Variants in ESR1 observed in about 807,000 individuals in gnomAD.
ESR1 encodes the protein estrogen receptor.
ESR1 carries 12 observed loss-of-function variants against 52.7 expected under a neutral mutation model. The observed-to-expected ratio is 0.23, with a 90% CI of 0.15 to 0.37. The LOEUF (loss-of-function observed/expected upper bound fraction) is 0.37. ESR1 is among the 10% of genes least tolerant of loss of function. The pLI, the probability that ESR1 is intolerant of heterozygous loss-of-function variation, is 1.00. For missense variants in ESR1, 584 were observed against 779.7 expected (o/e 0.75, Z 2.99); for synonymous variants, 305 against 316.8 (o/e 0.96, Z 0.39).
At chr6:151,898,111 C>T (rs1223569372) in intron 3 of ESR1, among the ~76,000 whole-genome samples, 1 of 152,174 alleles carries the variant, frequency 6.6e-6, no homozygotes, top group Non-Finnish European at 1.5e-5. Context: ...GCTTTTGCCT[C>T]ACAGCTCTTA....
intron 4 of ESR1, among the ~76,000 whole-genome samples, chr6:152,007,742 T>C (rs1309931858): frequency 1.3e-5 from 2 of 152,122 alleles, no homozygotes; most frequent in African/African-American, 4.8e-5. Context: ...GTCATTGAGA[T>C]GGAGGTCCTC....
intron 1 of ESR1, among the ~76,000 whole-genome samples, chr6:151,664,308 T>C (rs1174007932): frequency 6.6e-6 from 1 of 152,236 alleles, no homozygotes; most frequent in East Asian, 1.9e-4. Context: ...AGGATACCAT[T>C]ACCAGAGTTT....
chr6:151,793,596 C>T (rs546544362), intron 2 of ESR1, among the ~76,000 whole-genome samples: 44 of 152,152 alleles, frequency 2.9e-4, no homozygotes, highest in South Asian at 6.2e-4. Context: ...TCACCACACA[C>T]GTGAGTAATG....
intron 1 of ESR1, among the ~76,000 whole-genome samples, chr6:151,824,942 A>C (rs1781237393): frequency 6.6e-6 from 1 of 152,040 alleles, no homozygotes; most frequent in Non-Finnish European, 1.5e-5. Context: ...GAAAAAAAAG[A>C]GTTCTTGCTT....
intron 1 of ESR1, among the ~76,000 whole-genome samples, chr6:151,675,806 C>CA (rs1562323181): frequency 1.3e-5 from 2 of 152,126 alleles, no homozygotes; most frequent in Non-Finnish European, 2.9e-5. Flanking sequence ...TATGGTGAAA[C>CA]AAAATTAGCA....
downstream of ESR1, among the ~76,000 whole-genome samples, chr6:152,106,625 C>T (rs1490805104): frequency 6.6e-6 from 1 of 152,024 alleles, no homozygotes; most frequent in South Asian, 2.1e-4. Context: ...GTGTTGCTCT[C>T]TCACCCAGGC....
At chr6:152,103,456 C>T (rs2051018061), downstream of ESR1, among the ~76,000 whole-genome samples, 1 of 152,184 alleles carries the variant, frequency 6.6e-6, no homozygotes, top group Non-Finnish European at 1.5e-5. Flanking sequence ...ACACTGTGGT[C>T]AGGCAGAACT....
intron 2 of ESR1, among the ~76,000 whole-genome samples, chr6:151,775,783 C>T (rs947407677): frequency 6.6e-6 from 1 of 151,890 alleles, no homozygotes; most frequent in Non-Finnish European, 1.5e-5. Flanking sequence ...CCAAAACAGT[C>T]CTAGAGGCTA....
chr6:152,057,934 AGACG>A (rs1328739930), intron 5 of ESR1, among the ~76,000 whole-genome samples: 1 of 152,160 alleles, frequency 6.6e-6, no homozygotes, highest in African/African-American at 2.4e-5. Context: ...AAACTATGGG[AGACG>A]ATTGAAAAAG....
At chr6:151,780,654 A>C (rs921011900) in intron 2 of ESR1, among the ~76,000 whole-genome samples, 1 of 152,212 alleles carries the variant, frequency 6.6e-6, no homozygotes, top group Non-Finnish European at 1.5e-5. Context: ...TTCTTCCAAA[A>C]AGGTGAAGCC....
At chr6:152,003,462 A>G (rs541586651) in intron 4 of ESR1, among the ~76,000 whole-genome samples, 147 of 151,942 alleles carry the variant, frequency 9.7e-4, no homozygotes, top group African/African-American at 3.4e-3. Flanking sequence ...AATACAGTCA[A>G]GTGTGAGATC....
chr6:151,685,704 C>A (rs1371618146), upstream of ESR1, among the ~76,000 whole-genome samples: 1 of 152,184 alleles, frequency 6.6e-6, no homozygotes, highest in Non-Finnish European at 1.5e-5. Flanking sequence ...TGCTTTAAAT[C>A]ATTGTCTTCT....
intron 2 of ESR1, among the ~76,000 whole-genome samples, chr6:151,845,555 G>A (rs1009814424): frequency 1.3e-5 from 2 of 152,126 alleles, no homozygotes; most frequent in African/African-American, 4.8e-5. Flanking sequence ...GTGACAGAGT[G>A]AGACTCCATC....
At chr6:151,808,912 T>C (rs180953648) in intron 1 of ESR1, among the ~76,000 whole-genome samples, 2 of 152,174 alleles carry the variant, frequency 1.3e-5, no homozygotes, top group Non-Finnish European at 2.9e-5. Context: ...TGGGAAGCGA[T>C]TCCTGTCACC....
rs1385343714 is a variant in ESR1 at position 152,031,469 on chromosome 6, C to T, written c.1235+19675C>T. Among the ~76,000 whole-genome samples the T allele has an allele frequency of 9.9e-5, 15 of 152,230 alleles. No individual in the cohort carries two copies. The East Asian group carries it at 2.1e-3, about 22-fold the overall frequency. ...TGATAAAGGGGATATCACCACTGATCCCACAGAAATACAAACTACCATCAG... is the reference window on the plus strand; with the variant it reads ...TGATAAAGGGGATATCACCACTGATTCCACAGAAATACAAACTACCATCAG... On this transcript the variant is annotated intron_variant, in intron 5 of 7. Transcript: ENST00000206249.
chr6:151,755,696 T>G (rs1264099931), intron 2 of ESR1, among the ~76,000 whole-genome samples: 1 of 151,970 alleles, frequency 6.6e-6, no homozygotes, highest in African/African-American at 2.4e-5. Flanking sequence ...AGTGGCATGA[T>G]CTCTACTCAC....
rs1316347919 is a variant in ESR1 at position 151,899,507 on chromosome 6, C to T, written c.760+18736C>T. On this transcript the variant is annotated intron_variant, in intron 3 of 7. Transcript: ENST00000206249. ...CCCCCCACCTCCCTCCCGGACGGGG[C>T]GGCTGGCCGGGCGGGGGGCTGACCC... 8.5e-3 allele frequency among the ~76,000 whole-genome samples: 1,195 copies of T among 140,528 alleles called. 11 individuals carry two copies. The highest frequency in any genetic ancestry group is 0.032 in the African/African-American group (1,160 of 36,642). The allele number at this position is 140,528 out of a possible 152,430, so 92.2% of individuals were successfully genotyped here.
chr6:151,992,183 A>T (rs985484592), intron 4 of ESR1, among the ~76,000 whole-genome samples: 2 of 152,192 alleles, frequency 1.3e-5, no homozygotes, highest in African/African-American at 4.8e-5. Flanking sequence ...ACAATTTACC[A>T]TTTTCACCTC....
At chr6:151,978,871 T>C (rs2039717320) in intron 4 of ESR1, among the ~76,000 whole-genome samples, 1 of 152,216 alleles carries the variant, frequency 6.6e-6, no homozygotes, top group South Asian at 2.1e-4. Context: ...TTTAGGTTTC[T>C]AGAAAGGATG....
Sources: allele counts gnomAD v4.1 joint callset (sites outside exome capture counted in the v4.1 genomes callset), GRCh38; gene constraint gnomAD v4.1.1; transcripts MANE v1.5; gene names NCBI Gene and HGNC (gene_info 2026-07-23, HGNC 2026-07-21).